Variants in GPR158 observed in about 807,000 individuals in gnomAD.
The protein encoded by GPR158 is G protein-coupled receptor 158, also known as metabotropic glycine receptor.
GPR158 carries 30 observed loss-of-function variants against 78.2 expected under a neutral mutation model. The observed-to-expected ratio is 0.38, with a 90% confidence interval of 0.29 to 0.52. The LOEUF is 0.52. Ranked by LOEUF, GPR158 falls within the 20% of genes least tolerant of loss-of-function variation. The pLI is 0.83. For missense variants in GPR158, 1,463 were observed against 1,523.5 expected (o/e 0.96, Z 0.66); for synonymous variants, 581 against 591.1 (o/e 0.98, Z 0.25).
chr10:25,297,400 G>A (rs2130771002), intron 2 of GPR158, among the ~76,000 whole-genome samples: 1 of 151,528 alleles, frequency 6.6e-6, no homozygotes, highest in South Asian at 2.1e-4. Context: ...GCAAATGAGT[G>A]AATCAGGTGT....
intron 3 of GPR158, among the ~76,000 whole-genome samples, chr10:25,410,496 G>C (rs969640581): frequency 6.6e-6 from 1 of 152,038 alleles, no homozygotes; most frequent in African/African-American, 2.4e-5. Flanking sequence ...CGTGTCTGTA[G>C]TCCCAGCTAC....
intron 2 of GPR158, among the ~76,000 whole-genome samples, chr10:25,241,422 T>TC (rs1853627965): frequency 1.4e-5 from 2 of 146,034 alleles, no homozygotes; most frequent in African/African-American, 5.5e-5. Flanking sequence ...TTTTCTTTTC[T>TC]TTTCTTTTCT....
At chr10:25,338,514 A>AATAT (rs1855254747) in intron 2 of GPR158, among the ~76,000 whole-genome samples, 2 of 120,062 alleles carry the variant, frequency 1.7e-5, no homozygotes, top group Non-Finnish European at 3.8e-5. Context: ...TATTACGTAT[A>AATAT]ATATACGTAT....
At position 25,317,716 on chromosome 10, in the gene GPR158, GTTTTT is replaced by G. The variant is rs756759445; in HGVS notation, c.1009-78190_1009-78186del. Among the ~76,000 whole-genome samples the G allele has an allele frequency of 7.5e-5, 10 of 134,066 alleles. No individual in the cohort carries two copies. The South Asian group carries it at 1.9e-3, about 26-fold the overall frequency. The allele number at this position is 134,066 out of a possible 152,430, so 88.0% of individuals were successfully genotyped here. ...TTAAATTCTGTTTTCTTCGTAAAGT[GTTTTT>G]TTTTGTTTTGTTTTGTTTTGTTTTT... On this transcript the variant is annotated intron_variant, in intron 2 of 10. Transcript: ENST00000376351.
chr10:25,258,291 A>G (rs1853917694), intron 2 of GPR158, among the ~76,000 whole-genome samples: 1 of 152,206 alleles, frequency 6.6e-6, no homozygotes, highest in South Asian at 2.1e-4. Context: ...CATACACTGA[A>G]TGTAGAACTT....
intron 2 of GPR158, among the ~76,000 whole-genome samples, chr10:25,263,862 A>G (rs1420079780): frequency 6.6e-6 from 1 of 152,202 alleles, no homozygotes; most frequent in Non-Finnish European, 1.5e-5. Flanking sequence ...GCTTGAACCC[A>G]GGAGATAGAG....
chr10:25,538,837 G>A (rs749590699), intron 5 of GPR158, among the ~76,000 whole-genome samples: 4 of 152,106 alleles, frequency 2.6e-5, no homozygotes, highest in Non-Finnish European at 4.4e-5. Flanking sequence ...CTTAAGTCAC[G>A]CATCGTAATT....
At chr10:25,334,149 T>TA (rs1237772178) in intron 2 of GPR158, among the ~76,000 whole-genome samples, 1 of 152,098 alleles carries the variant, frequency 6.6e-6, no homozygotes, top group African/African-American at 2.4e-5. Flanking sequence ...ATGGAATTTT[T>TA]AAAAAGACAA....
chr10:25,219,100 G>C (rs1218984792), intron 1 of GPR158, among the ~76,000 whole-genome samples: 1 of 152,158 alleles, frequency 6.6e-6, no homozygotes, highest in Non-Finnish European at 1.5e-5. Flanking sequence ...GATTAACTTT[G>C]GTGGAACCTA....
At chr10:25,541,957 A>G (rs1836593298) in intron 5 of GPR158, among the ~76,000 whole-genome samples, 1 of 147,410 alleles carries the variant, frequency 6.8e-6, no homozygotes, top group Non-Finnish European at 1.5e-5. Flanking sequence ...TATATAAATT[A>G]TATATTATAT....
chr10:25,393,188 G>A (rs1301877613), intron 2 of GPR158, among the ~76,000 whole-genome samples: 2 of 152,136 alleles, frequency 1.3e-5, no homozygotes, highest in Non-Finnish European at 2.9e-5. Flanking sequence ...GTTTATAGCA[G>A]AGAGATACTT....
At position 25,525,812 on chromosome 10, in the gene GPR158, A is replaced by G. The variant is rs542808236; in HGVS notation, c.1405-25164A>G. Among the ~76,000 whole-genome samples, 48 of 152,284 alleles carry G rather than the reference A, an allele frequency of 3.2e-4. 1 individual carries two copies. The South Asian group carries it at 9.7e-3, about 31-fold the overall frequency. The stretch of plus-strand genomic sequence containing the variant: ...TTACACTGCAATAAAGCTATTTATA[A>G]AAGTCATAGTAGGGCCAGGCACGGT... On this transcript the variant is annotated intron_variant, in intron 5 of 10. Coordinates refer to ENST00000376351, the MANE Select transcript of GPR158 (RefSeq NM_020752.3).
intron 5 of GPR158, among the ~76,000 whole-genome samples, chr10:25,542,552 G>T (rs1006380337): frequency 6.6e-6 from 1 of 152,170 alleles, no homozygotes; most frequent in Non-Finnish European, 1.5e-5. Context: ...GCCAGGCGCA[G>T]TGGCTCATGC....
intron 4 of GPR158, among the ~76,000 whole-genome samples, chr10:25,461,719 C>CCAT: frequency 6.6e-6 from 1 of 151,282 alleles, no homozygotes; most frequent in South Asian, 2.1e-4. Flanking sequence ...GAAGAAGATG[C>CCAT]CATCTAGGAC....
chr10:25,444,792 ATCAT>A (rs1413520635), intron 4 of GPR158, among the ~76,000 whole-genome samples: 1 of 152,138 alleles, frequency 6.6e-6, no homozygotes, highest in African/African-American at 2.4e-5. Flanking sequence ...CATTTATAAT[ATCAT>A]TGAGTTTTAA....
intron 4 of GPR158, among the ~76,000 whole-genome samples, chr10:25,439,257 A>G (rs1307910687): frequency 6.6e-6 from 1 of 152,200 alleles, no homozygotes; most frequent in Non-Finnish European, 1.5e-5. Flanking sequence ...ATGGTGGCAG[A>G]CAAGAGAAGG....
chr10:25,187,285 G>A (rs1852702345), intron 1 of GPR158, among the ~76,000 whole-genome samples: 1 of 151,752 alleles, frequency 6.6e-6, no homozygotes, highest in Non-Finnish European at 1.5e-5. Flanking sequence ...CATTTTATGA[G>A]GCCAGCATCA....
intron 2 of GPR158, among the ~76,000 whole-genome samples, chr10:25,235,496 A>C (rs1853508199): frequency 6.7e-6 from 1 of 150,100 alleles, no homozygotes; most frequent in African/African-American, 2.5e-5. Flanking sequence ...CTTTTGCAAT[A>C]CTATCTGTTT....
rs746789672 is a variant in GPR158, at chr10:25,589,156, T to C, written c.1892+11T>C. The C allele has an allele frequency of 4.5e-6, 7 of 1,571,178 alleles. No individual in the cohort carries two copies. Among genetic ancestry groups the C allele is most frequent in the African/African-American group, 2.7e-5 (2 of 73,980 alleles). On this transcript the variant is annotated intron_variant, in intron 8 of 10. Transcript: ENST00000376351. ...ATTCCATACAATTAGGCAAGTGATC[T>C]GTAGAGCTAGTAAATAACTATTTTA...
Sources: gnomAD v4.1 joint callset for allele counts (sites outside exome capture counted in the v4.1 genomes callset) on GRCh38, gnomAD v4.1.1 for gene constraint, MANE v1.5 for transcripts, NCBI Gene and HGNC (gene_info 2026-07-23, HGNC 2026-07-21) for gene names.